Variants in FBXO4 observed in about 807,000 individuals in gnomAD.
FBXO4 encodes the protein F-box protein 4.
A neutral mutation model predicts 43.7 loss-of-function variants in FBXO4; 36 were observed. The observed-to-expected ratio is 0.82, with a 90% confidence interval of 0.63 to 1.09. The LOEUF (loss-of-function observed/expected upper bound fraction) is 1.09, where lower values mean the gene tolerates loss of function less well. Among genes scored for constraint, FBXO4 ranks in the 50% least tolerant of loss-of-function variants. The probability of loss-of-function intolerance (pLI) is 0.00; values close to 1 mark genes in which losing one functional copy is unlikely to be tolerated. For missense variants in FBXO4, 435 were observed against 474.1 expected (o/e 0.92, Z 0.77); for synonymous variants, 180 against 165.6 (o/e 1.09, Z -0.67).
chr5:41,947,453 G>A, the FBXO4 span, among the ~76,000 whole-genome samples: 1 of 152,196 alleles, frequency 6.6e-6, no homozygotes. Context: ...GAGCAGGTTA[G>A]CATGGTTTAG....
chr5:41,981,726 GT>G, the FBXO4 span, among the ~76,000 whole-genome samples: 1,750 of 134,314 alleles, frequency 0.013, 30 homozygotes, highest in African/African-American at 0.042. Context: ...TTGGTTTTTG[GT>G]TTTTTTTTTT....
At chr5:41,962,502 T>C in the FBXO4 span, among the ~76,000 whole-genome samples, 1 of 152,186 alleles carries the variant, frequency 6.6e-6, no homozygotes, top group Non-Finnish European at 1.5e-5. Context: ...TTAGCTTTCC[T>C]GCTCTTCTCT....
At chr5:41,948,531 A>C in the FBXO4 span, among the ~76,000 whole-genome samples, 1 of 152,202 alleles carries the variant, frequency 6.6e-6, no homozygotes, top group African/African-American at 2.4e-5. Flanking sequence ...ACTACTTTAC[A>C]TATAACGAAT....
chr5:41,945,345 G>T (rs1049385912), downstream of FBXO4, among the ~76,000 whole-genome samples: 1 of 152,164 alleles, frequency 6.6e-6, no homozygotes, highest in Admixed American at 6.5e-5. Flanking sequence ...TGAATAAATG[G>T]CTAAATGTGG....
Position 41,941,467 on chromosome 5 carries a change from A to G in FBXO4, c.*186A>G, listed in dbSNP as rs1009036267. The G allele has an allele frequency of 7.5e-6, 3 of 398,066 alleles. No homozygotes were observed. In the South Asian group the frequency reaches 1.7e-4, roughly 23 times the overall value. 24.7% of individuals were successfully genotyped at this position (398,066 alleles called of 1,614,324 possible). On this transcript the variant is annotated 3_prime_UTR_variant, in exon 7 of 7. Coordinates refer to ENST00000281623, the MANE Select transcript of FBXO4 (RefSeq NM_012176.3). ...TACCATAAATCAATTACAAGAAAAG[A>G]GTTTCAGTCCTAGTATTTAGCCCCA...
the FBXO4 span, among the ~76,000 whole-genome samples, chr5:41,989,758 C>T: frequency 1.3e-5 from 2 of 152,162 alleles, no homozygotes; most frequent in Non-Finnish European, 2.9e-5. Flanking sequence ...ATTGCTTCCC[C>T]TATCATCTGC....
rs1752003774 is a variant in FBXO4, at chr5:41,941,459, A to G, written c.*178A>G. 1 of 407,930 alleles carries G rather than the reference A, an allele frequency of 2.5e-6. No homozygotes were observed. 25.3% of individuals were successfully genotyped at this position (407,930 alleles called of 1,614,324 possible). ...TTACTCTTTACCATAAATCAATTAC[A>G]AGAAAAGAGTTTCAGTCCTAGTATT... On this transcript the variant is annotated 3_prime_UTR_variant, in exon 7 of 7. Transcript: ENST00000281623.
the FBXO4 span, among the ~76,000 whole-genome samples, chr5:41,978,266 C>A: frequency 6.6e-6 from 1 of 152,116 alleles, no homozygotes; most frequent in Non-Finnish European, 1.5e-5. Context: ...TATGAGGGAT[C>A]TACCCCTGTG....
chr5:41,971,699 T>A, the FBXO4 span, among the ~76,000 whole-genome samples: 7 of 152,174 alleles, frequency 4.6e-5, no homozygotes, highest in African/African-American at 1.7e-4. Flanking sequence ...ATTCTAGCAT[T>A]TTATAGTTTT....
At chr5:41,964,895 C>T in the FBXO4 span, among the ~76,000 whole-genome samples, 3 of 152,004 alleles carry the variant, frequency 2.0e-5, no homozygotes, top group Non-Finnish European at 2.9e-5. Flanking sequence ...TAACTAGATC[C>T]CATTTGTCAA....
At chr5:42,006,092 T>G in the FBXO4 span, among the ~76,000 whole-genome samples, 1 of 152,116 alleles carries the variant, frequency 6.6e-6, no homozygotes, top group Non-Finnish European at 1.5e-5. Context: ...ATTTTTGAGG[T>G]GCACAGATAC....
At chr5:41,933,150 G>A (rs1438651287) in intron 3 of FBXO4, among the ~76,000 whole-genome samples, 1 of 152,132 alleles carries the variant, frequency 6.6e-6, no homozygotes, top group Non-Finnish European at 1.5e-5. Flanking sequence ...ATCCAACTCT[G>A]ACGAATTCTA....
chr5:41,942,341 T>C (rs1012070365), downstream of FBXO4, among the ~76,000 whole-genome samples: 9 of 151,868 alleles, frequency 5.9e-5, no homozygotes, highest in East Asian at 1.5e-3. Flanking sequence ...ATATTTCTAA[T>C]AATAATCCAA....
At chr5:42,022,503 T>C in the FBXO4 span, among the ~76,000 whole-genome samples, 1 of 152,142 alleles carries the variant, frequency 6.6e-6, no homozygotes, top group East Asian at 1.9e-4. Context: ...TCTGATGTCC[T>C]GTTTTTCTTA....
chr5:41,978,077 T>C, the FBXO4 span, among the ~76,000 whole-genome samples: 1 of 152,106 alleles, frequency 6.6e-6, no homozygotes, highest in Admixed American at 6.6e-5. Context: ...GGTGAGGGCC[T>C]CAGGAAGCTT....
At chr5:41,928,112 T>C (rs922549193) in intron 2 of FBXO4, among the ~76,000 whole-genome samples, 1 of 152,174 alleles carries the variant, frequency 6.6e-6, no homozygotes, top group Non-Finnish European at 1.5e-5. Flanking sequence ...TCAAGTGTTG[T>C]GAGACTATTT....
intron 5 of FBXO4, among the ~76,000 whole-genome samples, chr5:41,936,175 T>C (rs1031238429): frequency 7.2e-5 from 11 of 152,156 alleles, no homozygotes; most frequent in African/African-American, 2.7e-4. Context: ...AATGATACAT[T>C]GTCATGAGAT....
chr5:41,982,060 C>T, the FBXO4 span, among the ~76,000 whole-genome samples: 2 of 152,090 alleles, frequency 1.3e-5, no homozygotes, highest in Non-Finnish European at 2.9e-5. Context: ...TCATCCATGT[C>T]CCTACAAAGG....
At chr5:42,015,374 T>C in the FBXO4 span, among the ~76,000 whole-genome samples, 1 of 152,192 alleles carries the variant, frequency 6.6e-6, no homozygotes, top group Non-Finnish European at 1.5e-5. Context: ...GGAAGTTAAT[T>C]CAGGGAGGAG....
Sources: allele counts gnomAD v4.1 joint callset (sites outside exome capture counted in the v4.1 genomes callset), GRCh38; gene constraint gnomAD v4.1.1; transcripts MANE v1.5; gene names NCBI Gene and HGNC (gene_info 2026-07-23, HGNC 2026-07-21).